Variants in CAMTA2 observed in about 807,000 individuals in gnomAD.
The protein encoded by CAMTA2 is calmodulin-binding transcription activator 2.
In CAMTA2, 56 loss-of-function variants were observed where a neutral mutation model predicts 135.7. That is an observed-to-expected ratio of 0.41 (90% confidence interval 0.33 to 0.52). The LOEUF (loss-of-function observed/expected upper bound fraction) is 0.52, where lower values mean the gene tolerates loss of function less well. Among genes scored for constraint, CAMTA2 ranks in the 20% least tolerant of loss-of-function variants. The pLI is 0.16. For missense variants in CAMTA2, 1,358 were observed against 1,553.4 expected, an observed-to-expected ratio of 0.87 and a Z score of 2.11; for synonymous variants, 591 against 604.6, an observed-to-expected ratio of 0.98 and a Z score of 0.33.
Position 4,969,158 on chromosome 17 carries a change from G to C in CAMTA2, c.3462C>G (p.Ala1154=). 6.2e-7 allele frequency: 1 copy of C among 1,606,714 alleles called. No individual in the cohort carries two copies. Among genetic ancestry groups the C allele is most frequent in the Non-Finnish European group, 8.5e-7 (1 of 1,177,866 alleles). Residue 1154 remains alanine, a synonymous_variant, in exon 21 of 23, where the codon GCC becomes GCG. Coordinates refer to ENST00000348066, the MANE Select transcript of CAMTA2 (RefSeq NM_015099.4). This position sits in a 1 kb window ranked among gnomAD's most constrained non-coding sequence, Gnocchi z 5.6. The part of the protein sequence containing the change: ...PPHRTSATLP[A]RNKGSFLTKK... ...CTGGGGCTGGGCCCTACTTGTTGCG[G>C]GCAGGCAGGGTGGCCGAAGTCCGGT...
At chr17:4,986,446 AAC>A (rs1280357123) in intron 1 of CAMTA2, 160 bp from the exon 2 acceptor site, 9 of 589,924 alleles carry the variant, frequency 1.5e-5, no homozygotes, top group East Asian at 5.6e-5. Context: ...AAGAGAGAAC[AAC>A]ACACAGTGCC....
chr17:4,970,263 G>A, intron 17 of CAMTA2, 77 bp downstream of exon 17: 1 of 1,541,840 alleles, frequency 6.5e-7, no homozygotes, highest in Non-Finnish European at 8.9e-7. Context: ...TGGAGCTTTG[G>A]CTGTGGGAAA....
At chr17:4,972,180 A>C (rs1356312458) in intron 16 of CAMTA2, 52 bp downstream of exon 16, 2 of 1,476,228 alleles carry the variant, frequency 1.4e-6, no homozygotes, top group East Asian at 4.6e-5. Flanking sequence ...AGTCGGCCTC[A>C]CCCTTCCTAC....
chr17:4,982,792 C>T lies in CAMTA2; in HGVS notation c.304G>A (p.Glu102Lys), dbSNP rs1163898294. 1 of 1,614,168 alleles carries T rather than the reference C, an allele frequency of 6.2e-7. No individual in the cohort carries two copies. The highest frequency in any genetic ancestry group is 8.5e-7 in the Non-Finnish European group (1 of 1,180,020). The change falls in exon 5 of 23, where the codon GAG becomes AAG. Residue 102 changes from glutamate to lysine, a missense_variant. Coordinates refer to ENST00000348066, the MANE Select transcript of CAMTA2 (RefSeq NM_015099.4). ...TGGACCTTCAGCTTCATGTGGTCCT[C>T]TCGGGTGGTCTTCCCATCCTTCCGC... ...KKRKDGKTTR[E>K]DHMKLKVQGM...
At chr17:4,981,092 G>T in intron 8 of CAMTA2, 133 bp downstream of exon 8, 1 of 1,129,630 alleles carries the variant, frequency 8.9e-7, no homozygotes, top group Non-Finnish European at 1.3e-6. Context: ...TGTTCATCTG[G>T]CCCATCTTTC....
intron 7 of CAMTA2, 83 bp from the exon 8 acceptor site, chr17:4,981,442 A>G: frequency 1.9e-6 from 3 of 1,556,240 alleles, no homozygotes; most frequent in Non-Finnish European, 2.6e-6. Context: ...AGCACCTGAC[A>G]TGCTTCAAGA....
chr17:4,980,086 G>T lies in CAMTA2; in HGVS notation c.1236C>A (p.Ala412=). The T allele has an allele frequency of 6.2e-7, 1 of 1,613,614 alleles. No individual in the cohort carries two copies. The highest frequency in any genetic ancestry group is 8.5e-7 in the Non-Finnish European group (1 of 1,179,782). Residue 412 remains alanine (A), a synonymous_variant, in exon 9 of 23, where the codon GCC becomes GCA. Transcript: ENST00000348066. This position sits in a 1 kb window ranked among gnomAD's most constrained non-coding sequence, Gnocchi z 5.3. ...EAEAAHTPCS[A]LEPAAALEPQ... ...GCTCCAGGGCAGCAGCAGGCTCTAG[G>T]GCAGAACAGGGGGTATGAGCGGCCT...
chr17:4,970,231 G>C lies in CAMTA2; in HGVS notation c.3005+109C>G, dbSNP rs551696750. On this transcript the variant is annotated intron_variant, in intron 17 of 22. Coordinates refer to ENST00000348066, the MANE Select transcript of CAMTA2 (RefSeq NM_015099.4). ...CAGCCAGTTCAGTTCGCTTCTCCAA[G>C]GCCCTGGGGCCTCAGCCAGAATGGA... is the stretch of plus-strand genomic sequence containing the variant. The C allele has an allele frequency of 9.1e-6, 13 of 1,421,038 alleles. No homozygotes were observed. The East Asian group carries it at 2.5e-4, about 27-fold the overall frequency. The allele number at this position is 1,421,038 out of a possible 1,614,324, so 88.0% of individuals were successfully genotyped here. A position where few individuals can be genotyped will look rare whatever the true frequency, so the allele number is the denominator to read the frequency against.
intron 13 of CAMTA2, 95 bp downstream of exon 13, chr17:4,973,472 ACAATGACCCCAACTCCCT>A: frequency 8.7e-7 from 1 of 1,144,196 alleles, no homozygotes; most frequent in South Asian, 1.4e-5. Flanking sequence ...CTCCCTTCCC[ACAATGACCCCAACTCCCT>A]CTTGGTAGGG....
At chr17:4,974,050 G>T in intron 12 of CAMTA2, 1 of 536,956 alleles carries the variant, frequency 1.9e-6, no homozygotes, top group Non-Finnish European at 3.3e-6. Context: ...TCAGAAGCCA[G>T]AGCCTTCTCT....
chr17:4,986,899 G>A, intron 1 of CAMTA2: 3 of 1,383,914 alleles, frequency 2.2e-6, no homozygotes, highest in South Asian at 2.5e-5. Context: ...CCCTCTCTAC[G>A]TAGCTCCCTC....
At chr17:4,987,012 A>G in intron 1 of CAMTA2, 1 of 1,438,804 alleles carries the variant, frequency 7.0e-7, no homozygotes, top group East Asian at 2.8e-5. Context: ...AACAGATGGG[A>G]GCTGGCGGAG....
At chr17:4,970,217 G>C in intron 17 of CAMTA2, 123 bp downstream of exon 17, 3 of 1,406,332 alleles carry the variant, frequency 2.1e-6, no homozygotes, top group Non-Finnish European at 3.0e-6. Context: ...AGCCAGTTCA[G>C]TTCGCTTCTC....
intron 16 of CAMTA2, among the ~76,000 whole-genome samples, chr17:4,971,351 C>G (rs1285972951): frequency 6.6e-6 from 1 of 152,094 alleles, no homozygotes; most frequent in South Asian, 2.1e-4. Context: ...TGAAGATATT[C>G]CCTAGAATTT....
chr17:4,973,810 C>T (rs915410330), intron 12 of CAMTA2, 41 bp from the exon 13 acceptor site: 1 of 1,530,266 alleles, frequency 6.5e-7, no homozygotes, highest in African/African-American at 1.4e-5. Flanking sequence ...CAGGTATCTA[C>T]TCCCCTGGCT....
At position 4,985,447 on chromosome 17, in the gene CAMTA2, G is replaced by A. The variant is rs1343961794; in HGVS notation, c.135+433C>T. Among the ~76,000 whole-genome samples, 9 of 152,186 alleles carry A rather than the reference G, an allele frequency of 5.9e-5. No homozygotes were observed. The South Asian group carries it at 8.3e-4, about 14-fold the overall frequency. ...GTCTTTTTGTTTTTGTTTTTGAGAC[G>A]GAGTCTCACTCTGTCACCCAGGCTG... is the stretch of plus-strand genomic sequence containing the variant. On this transcript the variant is annotated intron_variant, in intron 3 of 22. Transcript: ENST00000348066.
Position 4,980,072 on chromosome 17 carries a change from G to A in CAMTA2, c.1250C>T (p.Ala417Val). The change falls in exon 9 of 23, where the codon GCT (alanine) becomes GTT (valine). Residue 417 changes from alanine (A) to valine (V), a missense_variant. Coordinates refer to ENST00000348066, the MANE Select transcript of CAMTA2 (RefSeq NM_015099.4). The surrounding 1 kb of genome is among the most constrained non-coding windows in gnomAD (Gnocchi z 5.3). ...HTPCSALEPAAALEPQAAARG... is the reference protein window; with the variant it reads ...HTPCSALEPAVALEPQAAARG... The stretch of plus-strand genomic sequence containing the variant: ...AGCAGCTGCCTGGGGCTCCAGGGCA[G>A]CAGCAGGCTCTAGGGCAGAACAGGG... 6.2e-7 allele frequency: 1 copy of A among 1,613,790 alleles called. No individual in the cohort carries two copies. Among genetic ancestry groups the A allele is most frequent in the Non-Finnish European group, 8.5e-7 (1 of 1,179,894 alleles).
rs951276315 is a variant in CAMTA2, at chr17:4,972,957, G to C, written c.2315C>G (p.Ala772Gly). Residue 772 changes from alanine (A) to glycine (G), a missense_variant, in exon 15 of 23, where the codon GCT (alanine) becomes GGT (glycine). Transcript: ENST00000348066. ...TCGGTTCCAACGGAAAAGGAGCACA[G>C]CAGCTTCCAGGTGTCCCAGGGCACA... ...WACALGHLEA[A>G]VLLFRWNRQA... 2 of 1,613,400 alleles carry C rather than the reference G, an allele frequency of 1.2e-6. No homozygotes were observed. Among genetic ancestry groups the C allele is most frequent in the Non-Finnish European group, 1.7e-6 (2 of 1,179,946 alleles).
At chr17:4,974,861 T>C (rs768701362) in intron 11 of CAMTA2, among the ~76,000 whole-genome samples, 1 of 152,230 alleles carries the variant, frequency 6.6e-6, no homozygotes, top group Non-Finnish European at 1.5e-5. Flanking sequence ...TGTCAATTTT[T>C]GCAGCAGACA....
Sources: allele counts gnomAD v4.1 joint callset (sites outside exome capture counted in the v4.1 genomes callset), GRCh38; gene constraint gnomAD v4.1.1; non-coding constraint Gnocchi (gnomAD v3.1); transcripts MANE v1.5; gene names NCBI Gene and HGNC (gene_info 2026-07-23, HGNC 2026-07-21).